Variants in DSG1 observed in about 807,000 individuals in gnomAD.
The protein encoded by DSG1 is desmoglein-1.
Under a neutral mutation model 97.5 loss-of-function variants are expected in DSG1, and 39 were observed. The observed-to-expected ratio is 0.40, with a 90% CI of 0.31 to 0.52. The LOEUF is 0.52. Ranked by LOEUF, DSG1 falls within the 20% of genes least tolerant of loss-of-function variation. DSG1 has a pLI of 0.53. For missense variants in DSG1, 1,311 were observed against 1,295.4 expected (o/e 1.01, Z -0.18); for synonymous variants, 475 against 443.4 (o/e 1.07, Z -0.90).
At chr18:31,339,423 A>C (rs1207653769) in intron 10 of DSG1, among the ~76,000 whole-genome samples, 1 of 152,068 alleles carries the variant, frequency 6.6e-6, no homozygotes, top group Non-Finnish European at 1.5e-5. Flanking sequence ...GCTACCATGA[A>C]TTTGGTTTCT....
chr18:31,332,196 T>C (rs2071725672), intron 6 of DSG1, among the ~76,000 whole-genome samples: 1 of 152,138 alleles, frequency 6.6e-6, no homozygotes, highest in African/African-American at 2.4e-5. Flanking sequence ...TGTTCTATAA[T>C]AAAATGAATT....
chr18:31,338,168 C>G, intron 9 of DSG1, 147 bp from the exon 10 acceptor site: 1 of 813,596 alleles, frequency 1.2e-6, no homozygotes, highest in East Asian at 2.8e-5. Context: ...ATTGCTAAGA[C>G]TGCCCTGAAA....
intron 5 of DSG1, among the ~76,000 whole-genome samples, chr18:31,330,647 G>C (rs551265866): frequency 7.2e-5 from 11 of 152,136 alleles, no homozygotes; most frequent in African/African-American, 2.2e-4. Flanking sequence ...GCATTTCCTA[G>C]TACCATTCTT....
At chr18:31,328,460 G>C in intron 4 of DSG1, 116 bp downstream of exon 4, 1 of 1,067,392 alleles carries the variant, frequency 9.4e-7, no homozygotes, top group East Asian at 2.5e-5. Flanking sequence ...ATTTTTGGTT[G>C]TTTCTTAATT....
intron 8 of DSG1, 28 bp downstream of exon 8, chr18:31,334,230 G>T (rs1187235874): frequency 6.8e-7 from 1 of 1,461,444 alleles, no homozygotes. Flanking sequence ...TAAATATTTT[G>T]TTTTCTTAAT....
chr18:31,350,701 G>C (rs956612879), intron 14 of DSG1, among the ~76,000 whole-genome samples: 1 of 150,080 alleles, frequency 6.7e-6, no homozygotes, highest in Non-Finnish European at 1.5e-5. Context: ...TCTTGGGAGA[G>C]TGTATGTGTC....
intron 5 of DSG1, among the ~76,000 whole-genome samples, chr18:31,330,641 T>C (rs2071714649): frequency 6.6e-6 from 1 of 152,142 alleles, no homozygotes; most frequent in South Asian, 2.1e-4. Flanking sequence ...CTGTCTGCAT[T>C]TCCTAGTACC....
Position 31,331,815 on chromosome 18 carries a change from T to G in DSG1, c.632T>G (p.Ile211Ser), listed in dbSNP as rs147775289. 1 of 1,612,654 alleles carries G rather than the reference T, an allele frequency of 6.2e-7. No homozygotes were observed. Among genetic ancestry groups the G allele is most frequent in the African/African-American group, 1.3e-5 (1 of 74,860 alleles). ...CCTTCAGATTCACCAATGTTTATTA[T>G]CAACAGAAATACTGGAGAAATTCGA... Reference protein sequence around the residue: ...QEPSDSPMFIINRNTGEIRTM... With the variant: ...QEPSDSPMFISNRNTGEIRTM... The change falls in exon 6 of 15, where the codon ATC (isoleucine) becomes AGC (serine). Residue 211 changes from isoleucine to serine, a missense_variant. By Grantham distance (142) the Ile-to-Ser change is moderately radical (BLOSUM62 -2). Around this residue, in one of 3 missense-constraint regions of DSG1, gnomAD observed 259 missense variants for 304.1 expected, o/e 0.85. Coordinates refer to ENST00000257192, the MANE Select transcript of DSG1 (RefSeq NM_001942.4).
At chr18:31,353,692 G>A (rs112272648) in intron 14 of DSG1, among the ~76,000 whole-genome samples, 3,299 of 151,576 alleles carry the variant, frequency 0.022, 109 homozygotes, top group African/African-American at 0.076. Flanking sequence ...TTTTAAGCCC[G>A]TCGGAAAAGC....
intron 11 of DSG1, 84 bp downstream of exon 11, chr18:31,340,109 C>T (rs1376409944): frequency 7.9e-5 from 108 of 1,372,788 alleles, no homozygotes; most frequent in Middle Eastern, 3.7e-4. Context: ...TTTGATAAAA[C>T]GTATTTTACA....
chr18:31,328,406 C>A lies in DSG1; in HGVS notation c.372+62C>A, dbSNP rs2071699966. On this transcript the variant is annotated intron_variant, in intron 4 of 14. Coordinates refer to ENST00000257192, the MANE Select transcript of DSG1 (RefSeq NM_001942.4). ...TAAATTCTTCTCAGAAGTTCTTAATCTCAGATCATACTTAATTTGATTTCA... is the reference window on the plus strand; with the variant it reads ...TAAATTCTTCTCAGAAGTTCTTAATATCAGATCATACTTAATTTGATTTCA... 3 of 1,516,576 alleles carry A rather than the reference C, an allele frequency of 2.0e-6. No individual in the cohort carries two copies. The South Asian group carries it at 3.4e-5, about 17-fold the overall frequency. 93.9% of individuals were successfully genotyped at this position (1,516,576 alleles called of 1,614,324 possible).
chr18:31,339,633 T>C (rs1598706087), intron 10 of DSG1, 111 bp from the exon 11 acceptor site: 3 of 745,216 alleles, frequency 4.0e-6, no homozygotes, highest in Non-Finnish European at 6.2e-6. Context: ...GGAGAAATTA[T>C]GGGAATAAAG....
chr18:31,344,074 A>G, intron 13 of DSG1, 79 bp downstream of exon 13: 3 of 1,066,594 alleles, frequency 2.8e-6, no homozygotes, highest in South Asian at 1.4e-5. Flanking sequence ...TTGTTTTTTA[A>G]TTATCTTATT....
rs771907393 is a variant in DSG1 at position 31,343,908 on chromosome 18, T to C, written c.1822-18T>C. 7.5e-6 allele frequency: 12 copies of C among 1,596,986 alleles called. No homozygotes were observed. The highest frequency in any genetic ancestry group is 1.0e-5 in the Non-Finnish European group (12 of 1,164,870). On this transcript the variant is annotated intron_variant, in intron 12 of 14. Coordinates refer to ENST00000257192, the MANE Select transcript of DSG1 (RefSeq NM_001942.4). ...TCATTGGTCACTACAAATGGAAATGTTGTTTCCTGTCTTTTAGGATATAAC... is the reference window on the plus strand; with the variant it reads ...TCATTGGTCACTACAAATGGAAATGCTGTTTCCTGTCTTTTAGGATATAAC...
At chr18:31,335,730 T>C (rs1207049893) in intron 8 of DSG1, among the ~76,000 whole-genome samples, 1 of 151,664 alleles carries the variant, frequency 6.6e-6, no homozygotes, top group Non-Finnish European at 1.5e-5. Flanking sequence ...TAATTGTTTG[T>C]GGATTTTATG....
At position 31,358,022 on chromosome 18, in the gene DSG1, C is replaced by T. The variant is rs2071973487; in HGVS notation, c.*2676C>T. Among the ~76,000 whole-genome samples the T allele has an allele frequency of 6.6e-6, 1 of 151,968 alleles. No individual in the cohort carries two copies. Among genetic ancestry groups the T allele is most frequent in the Non-Finnish European group, 1.5e-5 (1 of 67,890 alleles). Reference sequence around the variant, plus strand: ...TTAGATGTTTACTCTAGATCATATACATCATGTCATAGACCAAGAAGAGAT... The same window carrying T: ...TTAGATGTTTACTCTAGATCATATATATCATGTCATAGACCAAGAAGAGAT... On this transcript the variant is annotated 3_prime_UTR_variant, in exon 15 of 15. Transcript: ENST00000257192.
intron 7 of DSG1, 83 bp downstream of exon 7, chr18:31,333,806 A>G (rs745740014): frequency 4.6e-6 from 7 of 1,528,398 alleles, no homozygotes; most frequent in Non-Finnish European, 6.3e-6. Context: ...ACAGAGGCAC[A>G]TGTTATGTTT....
At chr18:31,324,551 T>A (rs77566965) in intron 1 of DSG1, among the ~76,000 whole-genome samples, 8,636 of 152,254 alleles carry the variant, frequency 0.057, 377 homozygotes, top group South Asian at 0.13. Flanking sequence ...CATCTCAAAC[T>A]CAATGTGTTC....
At chr18:31,345,520 A>C (rs1360719128) in intron 13 of DSG1, 1 of 170,254 alleles carries the variant, frequency 5.9e-6, no homozygotes, top group African/African-American at 2.4e-5. Flanking sequence ...CCAAGTGCAA[A>C]CCCAAGATTC....
Sources: gnomAD v4.1 joint callset for allele counts (sites outside exome capture counted in the v4.1 genomes callset) on GRCh38, gnomAD v4.1.1 for gene constraint, gnomAD v4.1.1 regional missense constraint, MANE v1.5 for transcripts, NCBI Gene and HGNC (gene_info 2026-07-23, HGNC 2026-07-21) for gene names.